TBL1XR1: variants seen among roughly 807,000 people sequenced by gnomAD.
TBL1XR1 encodes TBL1X/Y related 1.
Under a neutral mutation model 66.9 loss-of-function variants are expected in TBL1XR1, and 5 were observed. The ratio of observed to expected loss-of-function variants is 0.07; its 90% CI spans 0.04 to 0.16. The LOEUF (loss-of-function observed/expected upper bound fraction) is 0.16. TBL1XR1 is among the 10% of genes least tolerant of loss of function. The pLI, the probability that TBL1XR1 is intolerant of heterozygous loss-of-function variation, is 1.00. For synonymous variants in TBL1XR1, 210 were observed against 206.0 expected (o/e 1.02, Z -0.17); for missense variants, 238 against 623.2 (o/e 0.38, Z 6.58).
rs1712119710 is a variant in TBL1XR1 at position 177,019,775 on chromosome 3, G to T, written c.*5723C>A. On this transcript the variant is annotated 3_prime_UTR_variant, in exon 16 of 16. Transcript: ENST00000457928. ...AAGCTTATAAGGATTCTAATCCTTA[G>T]GAGTCCAACCCTTTTTGGAAAAGTA... 1 of 151,966 alleles carries T rather than the reference G, an allele frequency of 6.6e-6. No homozygotes were observed. Among genetic ancestry groups the T allele is most frequent in the Non-Finnish European group, 1.5e-5 (1 of 67,984 alleles). The allele number at this position is 151,966 out of a possible 1,614,324, so 9.4% of individuals were successfully genotyped here. A position where few individuals can be genotyped will look rare whatever the true frequency, so the allele number is the denominator to read the frequency against.
chr3:177,200,250 G>A (rs1030249165), upstream of TBL1XR1, among the ~76,000 whole-genome samples: 1 of 152,178 alleles, frequency 6.6e-6, no homozygotes, highest in African/African-American at 2.4e-5. Flanking sequence ...GGGATTACAG[G>A]CGTGAGCCAC....
At chr3:177,051,394 T>C (rs1327026625) in intron 5 of TBL1XR1, 110 bp downstream of exon 5, 3 of 943,892 alleles carry the variant, frequency 3.2e-6, no homozygotes, top group Admixed American at 5.9e-5. Context: ...CAAACCCCTG[T>C]GATATGAGTT....
intron 4 of TBL1XR1, among the ~76,000 whole-genome samples, chr3:177,053,173 TA>T (rs1166892508): frequency 2.0e-5 from 3 of 152,190 alleles, no homozygotes; most frequent in Non-Finnish European, 4.4e-5. Context: ...CCTTTTTCTG[TA>T]AAAGAGTAGA....
At chr3:177,176,542 C>T (rs185558678) in intron 1 of TBL1XR1, among the ~76,000 whole-genome samples, 1 of 150,962 alleles carries the variant, frequency 6.6e-6, no homozygotes, top group East Asian at 2.0e-4. Context: ...GCTGGGCAAG[C>T]TGGCTCACAC....
At chr3:177,183,659 C>CA in intron 1 of TBL1XR1, among the ~76,000 whole-genome samples, 1 of 152,136 alleles carries the variant, frequency 6.6e-6, no homozygotes, top group South Asian at 2.1e-4. Context: ...AGGCACCCGC[C>CA]ACTACACCTT....
At chr3:177,178,341 A>G (rs1263878624) in intron 1 of TBL1XR1, among the ~76,000 whole-genome samples, 2 of 152,248 alleles carry the variant, frequency 1.3e-5, no homozygotes, top group Admixed American at 6.5e-5. Context: ...GATTTTAAAA[A>G]TAAGTATAAA....
intron 1 of TBL1XR1, among the ~76,000 whole-genome samples, chr3:177,144,106 A>G (rs558619141): frequency 6.6e-6 from 1 of 152,254 alleles, no homozygotes; most frequent in Admixed American, 6.5e-5. Context: ...TTAGCTGGGC[A>G]TGGTGCTATA....
At chr3:177,112,107 A>ATATATATATATATATATTTTTTT in intron 1 of TBL1XR1, among the ~76,000 whole-genome samples, 3 of 37,648 alleles carry the variant, frequency 8.0e-5, no homozygotes, top group Non-Finnish European at 1.3e-4. Flanking sequence ...ATATATATAT[A>ATATATATATATATATATTTTTTT]TTTTTTTTTT....
At chr3:177,027,789 G>A (rs1207924296) in intron 14 of TBL1XR1, 2 of 152,230 alleles carry the variant, frequency 1.3e-5, no homozygotes, top group East Asian at 3.9e-4. Context: ...TTATCAGGCT[G>A]GGAAGGCTCA....
chr3:177,134,832 A>T (rs561982235), intron 1 of TBL1XR1, among the ~76,000 whole-genome samples: 1 of 152,284 alleles, frequency 6.6e-6, no homozygotes, highest in East Asian at 1.9e-4. Flanking sequence ...AGCAAGAATA[A>T]AGTTGAATCT....
intron 7 of TBL1XR1, among the ~76,000 whole-genome samples, chr3:177,049,053 A>G (rs1220326017): frequency 6.6e-6 from 1 of 152,238 alleles, no homozygotes; most frequent in East Asian, 1.9e-4. Flanking sequence ...ATGGAGGGGA[A>G]GAGTAAATAT....
intron 1 of TBL1XR1, among the ~76,000 whole-genome samples, chr3:177,117,831 A>G (rs757332101): frequency 6.6e-6 from 1 of 152,224 alleles, no homozygotes; most frequent in Non-Finnish European, 1.5e-5. Context: ...AGGGCAAAGA[A>G]GCAGTATTAA....
intron 1 of TBL1XR1, chr3:177,195,481 T>C (rs1045718026): frequency 1.3e-5 from 2 of 151,956 alleles, no homozygotes; most frequent in African/African-American, 4.8e-5. Context: ...AAGTCGGCAT[T>C]ACTAAAATAC....
At chr3:177,184,249 A>G (rs898956496) in intron 1 of TBL1XR1, among the ~76,000 whole-genome samples, 5 of 152,236 alleles carry the variant, frequency 3.3e-5, no homozygotes, top group African/African-American at 9.6e-5. Context: ...CTTGACATCA[A>G]TAACACATAC....
At chr3:177,096,299 T>G (rs1422494053) in intron 2 of TBL1XR1, among the ~76,000 whole-genome samples, 1 of 145,304 alleles carries the variant, frequency 6.9e-6, no homozygotes, top group Non-Finnish European at 1.5e-5. Context: ...GTAATCTTGG[T>G]CTCCTTCATC....
intron 1 of TBL1XR1, among the ~76,000 whole-genome samples, chr3:177,126,534 T>G (rs553378580): frequency 4.3e-4 from 66 of 152,332 alleles, no homozygotes; most frequent in Non-Finnish European, 8.2e-4. Context: ...CCTACATCCA[T>G]GAAGCCTTCT....
chr3:177,188,679 T>C (rs1209607168), intron 1 of TBL1XR1, among the ~76,000 whole-genome samples: 2 of 152,198 alleles, frequency 1.3e-5, no homozygotes, highest in Admixed American at 6.5e-5. Flanking sequence ...CTTCACAGTT[T>C]AAATGTTCAA....
rs550481786 is a variant in TBL1XR1 at position 177,035,122 on chromosome 3, G to A, written c.1123-797C>T. Among the ~76,000 whole-genome samples the A allele has an allele frequency of 2.0e-5, 3 of 152,214 alleles. No individual in the cohort carries two copies. In the South Asian group the frequency reaches 6.2e-4, roughly 32 times the overall value. ...CATCAGAGTGTTTTTGGTGCCCTAT[G>A]TATTTACAACCCCAAGTAAAATAAA... On this transcript the variant is annotated intron_variant, in intron 12 of 15. Coordinates refer to ENST00000457928, the MANE Select transcript of TBL1XR1 (RefSeq NM_024665.7).
intron 1 of TBL1XR1, among the ~76,000 whole-genome samples, chr3:177,140,193 C>T (rs911365896): frequency 1.3e-5 from 2 of 152,028 alleles, no homozygotes; most frequent in Admixed American, 6.6e-5. Context: ...CCCAGGCACT[C>T]GGGAGGCTGA....
Sources: gnomAD v4.1 joint callset for allele counts (sites outside exome capture counted in the v4.1 genomes callset) on GRCh38, gnomAD v4.1.1 for gene constraint, MANE v1.5 for transcripts, NCBI Gene and HGNC (gene_info 2026-07-23, HGNC 2026-07-21) for gene names.